The following DCDC2C variants were observed in gnomAD, a reference collection of about 807,000 sequenced individuals.
The protein encoded by DCDC2C is doublecortin domain containing 2C.
A neutral mutation model predicts 45.0 loss-of-function variants in DCDC2C; 44 were observed. The observed-to-expected ratio is 0.98, with a 90% CI of 0.77 to 1.26. DCDC2C has a LOEUF of 1.26. Among genes scored for constraint, DCDC2C ranks in the 50% most tolerant of loss-of-function variants. The pLI, the probability that DCDC2C is intolerant of heterozygous loss-of-function variation, is 0.00. For synonymous variants in DCDC2C, 187 were observed against 178.8 expected (o/e 1.05, Z -0.37); for missense variants, 447 against 468.9 (o/e 0.95, Z 0.43).
chr2:3,810,448 T>A (rs1572634111), intron 10 of DCDC2C, among the ~76,000 whole-genome samples: 1 of 152,260 alleles, frequency 6.6e-6, no homozygotes, highest in East Asian at 1.9e-4. Context: ...TTTTTTCTTG[T>A]AAATTTGTTT....
intron 4 of DCDC2C, among the ~76,000 whole-genome samples, chr2:3,742,407 G>A (rs896337926): frequency 6.6e-6 from 1 of 152,188 alleles, no homozygotes; most frequent in Non-Finnish European, 1.5e-5. Flanking sequence ...GAGGAGCCAG[G>A]CCTGGGGGAG....
intron 6 of DCDC2C, among the ~76,000 whole-genome samples, chr2:3,765,351 G>A (rs749030979): frequency 6.6e-6 from 1 of 152,156 alleles, no homozygotes; most frequent in Non-Finnish European, 1.5e-5. Flanking sequence ...GGTGTCATAG[G>A]GACACATCAA....
chr2:3,778,565 T>A (rs1323907863), intron 8 of DCDC2C, among the ~76,000 whole-genome samples: 1 of 152,156 alleles, frequency 6.6e-6, no homozygotes, highest in Non-Finnish European at 1.5e-5. Flanking sequence ...CAGAGGTCTC[T>A]GGAGCGCCCA....
intron 1 of DCDC2C, among the ~76,000 whole-genome samples, chr2:3,706,546 G>A (rs1192025895): frequency 8.6e-6 from 1 of 115,748 alleles, no homozygotes; most frequent in African/African-American, 3.5e-5. Flanking sequence ...GTGCACGCAT[G>A]TGTGTGCGTG....
chr2:3,715,053 C>T (rs1181577957), intron 2 of DCDC2C, among the ~76,000 whole-genome samples: 4 of 152,178 alleles, frequency 2.6e-5, no homozygotes, highest in Non-Finnish European at 5.9e-5. Context: ...GACATGTACA[C>T]ATATACCTAC....
chr2:3,725,550 C>A (rs1668634080), intron 2 of DCDC2C, among the ~76,000 whole-genome samples: 1 of 134,898 alleles, frequency 7.4e-6, no homozygotes, highest in African/African-American at 2.8e-5. Flanking sequence ...AGGGAGGAGG[C>A]TGCCCGGTGG....
chr2:3,779,810 T>C (rs1233697028), intron 9 of DCDC2C, among the ~76,000 whole-genome samples: 1 of 152,098 alleles, frequency 6.6e-6, no homozygotes, highest in African/African-American at 2.4e-5. Flanking sequence ...TGCAGCTTCC[T>C]GGCTGCCACC....
chr2:3,713,333 G>A (rs1668268242), intron 2 of DCDC2C, among the ~76,000 whole-genome samples: 1 of 152,220 alleles, frequency 6.6e-6, no homozygotes, highest in African/African-American at 2.4e-5. Context: ...AGCTCTCCCA[G>A]GGAAAACGCG....
chr2:3,794,250 AT>A (rs1412434118), intron 10 of DCDC2C, among the ~76,000 whole-genome samples: 1 of 152,248 alleles, frequency 6.6e-6, no homozygotes, highest in Non-Finnish European at 1.5e-5. Context: ...TACTTAAAAA[AT>A]CACATGCATT....
chr2:3,735,029 G>A (rs7590174), intron 3 of DCDC2C, among the ~76,000 whole-genome samples: 2,713 of 152,178 alleles, frequency 0.018, 76 homozygotes, highest in African/African-American at 0.062. Flanking sequence ...CCAATTGTTC[G>A]TTTGTTTCCA....
intron 3 of DCDC2C, among the ~76,000 whole-genome samples, chr2:3,736,052 C>A (rs1021954901): frequency 6.6e-6 from 1 of 152,120 alleles, no homozygotes; most frequent in African/African-American, 2.4e-5. Context: ...AGTTTCTTAT[C>A]CACAAAGGTG....
intron 10 of DCDC2C, among the ~76,000 whole-genome samples, chr2:3,843,465 A>G (rs963228919): frequency 6.6e-6 from 1 of 152,124 alleles, no homozygotes; most frequent in Non-Finnish European, 1.5e-5. Flanking sequence ...CCTCTTTTCA[A>G]GTGTTATTTC....
At chr2:3,758,238 C>G (rs1022103106) in intron 6 of DCDC2C, among the ~76,000 whole-genome samples, 2 of 152,158 alleles carry the variant, frequency 1.3e-5, no homozygotes, top group African/African-American at 2.4e-5. Context: ...CCCGACATCC[C>G]TGGAACAGGT....
At chr2:3,728,448 G>T (rs972317309) in intron 3 of DCDC2C, among the ~76,000 whole-genome samples, 1 of 152,182 alleles carries the variant, frequency 6.6e-6, no homozygotes, top group Admixed American at 6.5e-5. Context: ...AGGGAACGTC[G>T]TTGGTTTGTG....
intron 8 of DCDC2C, 46 bp downstream of exon 8, chr2:3,769,457 A>G: frequency 1.3e-6 from 2 of 1,498,906 alleles, no homozygotes; most frequent in East Asian, 2.5e-5. Context: ...ACTCCATTCC[A>G]TCAGCTCCTG....
At chr2:3,813,385 T>G (rs984217213) in intron 10 of DCDC2C, among the ~76,000 whole-genome samples, 1 of 152,100 alleles carries the variant, frequency 6.6e-6, no homozygotes, top group Admixed American at 6.6e-5. Context: ...TATATTCTGT[T>G]GATTTGGGGT....
intron 6 of DCDC2C, among the ~76,000 whole-genome samples, chr2:3,756,227 G>A (rs1167026542): frequency 6.6e-6 from 1 of 152,134 alleles, no homozygotes; most frequent in East Asian, 1.9e-4. Flanking sequence ...AACTGTTTAC[G>A]TGATCCTCCT....
At chr2:3,776,419 T>C (rs62621431) in intron 8 of DCDC2C, among the ~76,000 whole-genome samples, 15,407 of 152,236 alleles carry the variant, frequency 0.1, 1,068 homozygotes, top group East Asian at 0.3. Context: ...GCTCTTCCGC[T>C]CTGTGCCACC....
intron 10 of DCDC2C, among the ~76,000 whole-genome samples, chr2:3,806,935 G>T (rs76602055): frequency 0.099 from 15,120 of 152,080 alleles, 1,024 homozygotes; most frequent in East Asian, 0.29. Context: ...GAGGTGTTGC[G>T]ACGGAGTCCT....
Sources: gnomAD v4.1 joint callset for allele counts (sites outside exome capture counted in the v4.1 genomes callset) on GRCh38, gnomAD v4.1.1 for gene constraint, MANE v1.5 for transcripts, NCBI Gene and HGNC (gene_info 2026-07-23, HGNC 2026-07-21) for gene names.